Variants in CBLN2 observed in about 807,000 individuals in gnomAD.
CBLN2 encodes the protein cerebellin-2.
CBLN2 carries 7 observed loss-of-function variants against 15.0 expected under a neutral mutation model. That is an observed-to-expected ratio of 0.47 (90% CI 0.27 to 0.88). The LOEUF (loss-of-function observed/expected upper bound fraction) is 0.88. CBLN2 is among the 40% of genes least tolerant of loss of function. The pLI, the probability that CBLN2 is intolerant of heterozygous loss-of-function variation, is 0.14. For missense variants in CBLN2, 242 were observed against 304.5 expected (o/e 0.79, Z 1.53); for synonymous variants, 149 against 135.2 (o/e 1.10, Z -0.71).
chr18:72,550,920 T>G (rs530365029), intron 1 of CBLN2, among the ~76,000 whole-genome samples: 9 of 152,258 alleles, frequency 5.9e-5, no homozygotes, highest in African/African-American at 2.2e-4. Flanking sequence ...ATATTCTTAA[T>G]AGGTACCTCA....
intron 1 of CBLN2, among the ~76,000 whole-genome samples, chr18:72,589,281 A>G (rs892227522): frequency 2.6e-5 from 4 of 152,210 alleles, no homozygotes; most frequent in African/African-American, 9.6e-5. Context: ...AGTAGTACCC[A>G]GGTTCCTAAG....
intron 1 of CBLN2, among the ~76,000 whole-genome samples, chr18:72,570,414 T>A (rs182383505): frequency 7.5e-6 from 1 of 132,682 alleles, no homozygotes; most frequent in Admixed American, 7.3e-5. Flanking sequence ...ATTTTTGTAT[T>A]TTTTTTTTTT....
chr18:72,542,313 A>G lies in CBLN2; in HGVS notation c.-153T>C. 1 of 367,874 alleles carries G rather than the reference A, an allele frequency of 2.7e-6. No individual in the cohort carries two copies. The highest frequency in any genetic ancestry group is 4.3e-6 in the Non-Finnish European group (1 of 232,330). 22.8% of individuals were successfully genotyped at this position (367,874 alleles called of 1,614,324 possible). A position where few individuals can be genotyped will look rare whatever the true frequency, so the allele number is the denominator to read the frequency against. On this transcript the variant is annotated 5_prime_UTR_variant, in exon 3 of 5. Coordinates refer to ENST00000269503, the MANE Select transcript of CBLN2 (RefSeq NM_182511.4). ...AAGGCCAGGGTCGTTCTCAGAAGAA[A>G]GGCGCCTGTGAACCTGTCAGGGCAC...
chr18:72,550,887 T>C, intron 1 of CBLN2, among the ~76,000 whole-genome samples: 1 of 152,214 alleles, frequency 6.6e-6, no homozygotes, highest in African/African-American at 2.4e-5. Flanking sequence ...GCATTAAATA[T>C]TCCCCTAAAA....
intron 1 of CBLN2, among the ~76,000 whole-genome samples, chr18:72,631,888 T>C (rs2069779179): frequency 6.6e-6 from 1 of 152,156 alleles, no homozygotes; most frequent in African/African-American, 2.4e-5. Context: ...AATATTGACA[T>C]ATGTAATTTA....
intron 1 of CBLN2, among the ~76,000 whole-genome samples, chr18:72,630,395 T>A (rs928638712): frequency 6.6e-6 from 1 of 152,050 alleles, no homozygotes; most frequent in African/African-American, 2.4e-5. Flanking sequence ...CTTCCTAAAG[T>A]TAGGGATTTG....
intron 1 of CBLN2, among the ~76,000 whole-genome samples, chr18:72,580,473 A>G (rs1274067753): frequency 6.6e-6 from 1 of 152,102 alleles, no homozygotes; most frequent in Non-Finnish European, 1.5e-5. Flanking sequence ...AAAAATGACT[A>G]CTTATCTGAA....
chr18:72,573,389 A>C (rs992198434), intron 1 of CBLN2, among the ~76,000 whole-genome samples: 3 of 152,224 alleles, frequency 2.0e-5, no homozygotes, highest in Admixed American at 6.5e-5. Flanking sequence ...CACACAGAAT[A>C]GTTCCATTTC....
intron 1 of CBLN2, chr18:72,620,365 G>A (rs1341689659): frequency 6.6e-6 from 1 of 152,168 alleles, no homozygotes; most frequent in Non-Finnish European, 1.5e-5. Context: ...TTCATTGAAC[G>A]ATGAAAAAGT....
At chr18:72,623,712 C>T (rs767313632) in intron 1 of CBLN2, among the ~76,000 whole-genome samples, 3 of 151,986 alleles carry the variant, frequency 2.0e-5, no homozygotes, top group Non-Finnish European at 2.9e-5. Context: ...ACATGCATGC[C>T]CTCATATGAG....
At chr18:72,600,496 C>T (rs8092167) in intron 1 of CBLN2, among the ~76,000 whole-genome samples, 80,559 of 151,986 alleles carry the variant, frequency 0.53, 25,749 homozygotes, top group Non-Finnish European at 0.73. Flanking sequence ...GTTAGTGTTT[C>T]ACAAATAAAA....
intron 1 of CBLN2, among the ~76,000 whole-genome samples, chr18:72,599,921 A>C (rs567087609): frequency 1.3e-3 from 200 of 152,292 alleles, no homozygotes; most frequent in Admixed American, 5.2e-3. Context: ...CTGAGGGCCA[A>C]GACTGAGTGA....
intron 2 of CBLN2, among the ~76,000 whole-genome samples, chr18:72,542,631 C>G (rs1011471565): frequency 1.3e-5 from 2 of 152,110 alleles, no homozygotes; most frequent in Non-Finnish European, 2.9e-5. Flanking sequence ...TCACCGCCAC[C>G]CCGCCCATTC....
At chr18:72,629,727 A>G (rs946036019) in intron 1 of CBLN2, among the ~76,000 whole-genome samples, 3 of 152,134 alleles carry the variant, frequency 2.0e-5, no homozygotes, top group African/African-American at 7.2e-5. Flanking sequence ...TTTCTCTAGT[A>G]ACTTGACTTC....
At chr18:72,618,874 G>A (rs1195071567) in intron 1 of CBLN2, 25 of 727,442 alleles carry the variant, frequency 3.4e-5, no homozygotes, top group East Asian at 2.1e-4. Flanking sequence ...AAGCTTTAGC[G>A]GTGGTCATGG....
upstream of CBLN2, among the ~76,000 whole-genome samples, chr18:72,546,805 TGGGAA>T (rs1280472432): frequency 6.6e-6 from 1 of 152,180 alleles, no homozygotes; most frequent in African/African-American, 2.4e-5. Flanking sequence ...GGGAAAAATG[TGGGAA>T]GGGAAGACGC....
At chr18:72,614,813 C>T (rs1420996532) in intron 1 of CBLN2, among the ~76,000 whole-genome samples, 2 of 151,754 alleles carry the variant, frequency 1.3e-5, no homozygotes, top group South Asian at 4.1e-4. Context: ...AATATACACT[C>T]ACCAAGCTAA....
chr18:72,634,199 A>T (rs2069796857), intron 1 of CBLN2, among the ~76,000 whole-genome samples: 1 of 152,104 alleles, frequency 6.6e-6, no homozygotes, highest in South Asian at 2.1e-4. Context: ...CAGATGCCTT[A>T]AGTTCATCAT....
chr18:72,584,028 T>C (rs978722566), intron 1 of CBLN2, among the ~76,000 whole-genome samples: 1 of 152,228 alleles, frequency 6.6e-6, no homozygotes, highest in Non-Finnish European at 1.5e-5. Context: ...CTGAAGGACC[T>C]GGCTCCTGCC....
Sources: allele counts gnomAD v4.1 joint callset (sites outside exome capture counted in the v4.1 genomes callset), GRCh38; gene constraint gnomAD v4.1.1; transcripts MANE v1.5; gene names NCBI Gene and HGNC (gene_info 2026-07-23, HGNC 2026-07-21).